The following TRNT1 variants were observed in gnomAD, a reference collection of about 807,000 sequenced individuals.
TRNT1 encodes the protein tRNA nucleotidyl transferase 1, also known as CCA tRNA nucleotidyltransferase 1, mitochondrial.
A neutral mutation model predicts 45.6 loss-of-function variants in TRNT1; 44 were observed. The ratio of observed to expected loss-of-function variants is 0.97; its 90% CI spans 0.76 to 1.24. TRNT1 has a LOEUF of 1.24. Among genes scored for constraint, TRNT1 ranks in the 50% most tolerant of loss-of-function variants. The probability of loss-of-function intolerance (pLI) is 0.00; values close to 1 mark genes in which losing one functional copy is unlikely to be tolerated. For missense variants in TRNT1, 633 were observed against 504.4 expected, an observed-to-expected ratio of 1.25 and a Z score of -2.44; for synonymous variants, 201 against 171.4, an observed-to-expected ratio of 1.17 and a Z score of -1.35.
rs1029185142 is a variant in TRNT1 at position 3,147,783 on chromosome 3, A to C, written c.1056+80A>C. ...TTAATTTATTAAAACTAAGATCTAC[A>C]AATCTGTGAATTTTACTTATTTTAA... On this transcript the variant is annotated intron_variant, in intron 7 of 7. Coordinates refer to ENST00000251607, the MANE Select transcript of TRNT1 (RefSeq NM_182916.3). 3 of 1,523,604 alleles carry C rather than the reference A, an allele frequency of 2.0e-6. No homozygotes were observed. In the African/African-American group the frequency reaches 4.2e-5, roughly 21 times the overall value. The allele number at this position is 1,523,604 out of a possible 1,614,324, so 94.4% of individuals were successfully genotyped here.
At chr3:3,151,422 A>G (rs75252183), downstream of TRNT1, among the ~76,000 whole-genome samples, 1,815 of 152,284 alleles carry the variant, frequency 0.012, 16 homozygotes, top group African/African-American at 0.02. Flanking sequence ...GAAAACAGCA[A>G]TTACCTGCAG....
At chr3:3,127,160 T>C (rs1308132352) in intron 1 of TRNT1, 170 bp downstream of exon 1, 1 of 151,980 alleles carries the variant, frequency 6.6e-6, no homozygotes, top group Non-Finnish European at 1.5e-5. Context: ...GACGCGGAGG[T>C]CGTGTCCCCG....
rs755536381 is a variant in TRNT1, at chr3:3,147,665, TC to T, written c.1019del (p.Ser340Ter). ...RKDLIKATDS[S>X]DPLKPYQDFI... ...AGATTTAATTAAAGCAACAGATAGT[TC>T]AGACCCATTGAAACCCTATCAAGAC... On this transcript the variant is annotated frameshift_variant, in exon 7 of 8. Transcript: ENST00000251607. LOFTEE classifies it high-confidence loss of function. The T allele has an allele frequency of 8.8e-5, 142 of 1,613,416 alleles. No individual in the cohort carries two copies. The highest frequency in any genetic ancestry group is 1.2e-4 in the Non-Finnish European group (139 of 1,179,666).
chr3:3,137,600 C>A (rs922173466), intron 3 of TRNT1, 147 bp downstream of exon 3: 9 of 573,884 alleles, frequency 1.6e-5, no homozygotes, highest in African/African-American at 1.5e-4. Context: ...GTCCTCTGTT[C>A]TTGCAGCCAT....
intron 1 of TRNT1, chr3:3,127,676 A>G (rs1704674271): frequency 6.6e-6 from 1 of 152,286 alleles, no homozygotes; most frequent in Non-Finnish European, 1.5e-5. Flanking sequence ...CCTCGAGTGC[A>G]GGTGGGGAAG....
At chr3:3,136,639 A>G (rs1482903144) in intron 2 of TRNT1, 3 of 430,084 alleles carry the variant, frequency 7.0e-6, no homozygotes, top group Admixed American at 2.7e-5. Context: ...GAATTGTTTG[A>G]TTTACTTTCT....
At chr3:3,129,261 C>G in intron 2 of TRNT1, 73 bp downstream of exon 2, 1 of 1,296,670 alleles carries the variant, frequency 7.7e-7, no homozygotes, top group Non-Finnish European at 1.1e-6. Context: ...ACTTTTTAAG[C>G]CAGCATTCGG....
At chr3:3,139,621 C>A (rs1293234520) in intron 3 of TRNT1, among the ~76,000 whole-genome samples, 4 of 152,018 alleles carry the variant, frequency 2.6e-5, no homozygotes, top group Non-Finnish European at 5.9e-5. Context: ...ACAAACCCTG[C>A]TGCTTTTTCA....
intron 4 of TRNT1, among the ~76,000 whole-genome samples, chr3:3,141,973 T>G (rs753963779): frequency 6.6e-6 from 1 of 152,170 alleles, no homozygotes; most frequent in African/African-American, 2.4e-5. Flanking sequence ...AGAGGAAACT[T>G]GAGACTGAGA....
At chr3:3,143,421 T>C (rs1705783879) in intron 4 of TRNT1, among the ~76,000 whole-genome samples, 1 of 152,218 alleles carries the variant, frequency 6.6e-6, no homozygotes, top group South Asian at 2.1e-4. Flanking sequence ...TTTTTGTGAA[T>C]GGCTAATAGA....
Position 3,144,708 on chromosome 3 carries a change from C to T in TRNT1, c.606C>T (p.Phe202=). Residue 202 remains phenylalanine, a splice_region_variant and synonymous_variant, in exon 5 of 8, where the codon TTC becomes TTT. Transcript: ENST00000251607. ...QEDYLRILRY[F]RFYGRIVDKP... The stretch of plus-strand genomic sequence containing the variant: ...ATTATCTTAGAATTTTAAGATACTT[C>T]AGGTAAGAATTTTTAAAAATAAAAA... 6.5e-7 allele frequency: 1 copy of T among 1,529,224 alleles called. No homozygotes were observed. The highest frequency in any genetic ancestry group is 2.3e-5 in the East Asian group (1 of 43,662). 94.7% of individuals were successfully genotyped at this position (1,529,224 alleles called of 1,614,324 possible).
Position 3,129,021 on chromosome 3 carries a change from G to C in TRNT1, c.-20G>C, listed in dbSNP as rs778000505. The C allele has an allele frequency of 6.3e-7, 1 of 1,583,090 alleles. No homozygotes were observed. Among genetic ancestry groups the C allele is most frequent in the Non-Finnish European group, 8.6e-7 (1 of 1,161,552 alleles). ...TGTGTATTTGCCTTGTAGATGTGTA[G>C]TTGGTGACTGCCTCTCCAGATGCTG... is the stretch of plus-strand genomic sequence containing the variant. On this transcript the variant is annotated 5_prime_UTR_variant, in exon 2 of 8. Transcript: ENST00000251607.
rs373038908 is a variant in TRNT1, at chr3:3,146,580, T to C, written c.759T>C (p.His253=). The change falls in exon 6 of 8, where the codon CAT becomes CAC. Residue 253 remains histidine (H), a synonymous_variant. Transcript: ENST00000251607. The part of the protein sequence containing the change: ...KKILVGNHVN[H]LIHLIYDLDV... ...TTCTTGTTGGTAACCATGTAAATCATTTGATTCACCTTATCTATGATCTTG... is the reference window on the plus strand; with the variant it reads ...TTCTTGTTGGTAACCATGTAAATCACTTGATTCACCTTATCTATGATCTTG... The C allele has an allele frequency of 4.1e-5, 66 of 1,613,786 alleles. No individual in the cohort carries two copies. The highest frequency in any genetic ancestry group is 1.0e-4 in the Admixed American group (6 of 59,990).
chr3:3,140,724 A>T, intron 4 of TRNT1, 76 bp downstream of exon 4: 1 of 1,519,476 alleles, frequency 6.6e-7, no homozygotes. Flanking sequence ...CATTCTGGAA[A>T]TGTTCTTCAA....
intron 3 of TRNT1, among the ~76,000 whole-genome samples, chr3:3,139,101 C>G (rs1343742230): frequency 6.6e-6 from 1 of 152,198 alleles, no homozygotes; most frequent in East Asian, 1.9e-4. Context: ...ATCTTGTTTT[C>G]ATTATGATGC....
chr3:3,143,306 GT>G (rs1382724760), intron 4 of TRNT1, among the ~76,000 whole-genome samples: 8 of 152,164 alleles, frequency 5.3e-5, no homozygotes, highest in Non-Finnish European at 1.0e-4. Context: ...CCAGTATGAA[GT>G]GGTCACTCTA....
At chr3:3,138,636 A>G (rs1283783735) in intron 3 of TRNT1, among the ~76,000 whole-genome samples, 2 of 151,894 alleles carry the variant, frequency 1.3e-5, no homozygotes, top group Non-Finnish European at 2.9e-5. Flanking sequence ...TCTTTATTTT[A>G]TATTCTCCTG....
downstream of TRNT1, chr3:3,151,084 T>C: frequency 1.2e-6 from 2 of 1,603,202 alleles, no homozygotes; most frequent in Non-Finnish European, 1.7e-6. Flanking sequence ...AGGAAACATT[T>C]CTGTACTCCA....
Position 3,148,221 on chromosome 3 carries a change from A to C in TRNT1, c.*67A>C. On this transcript the variant is annotated 3_prime_UTR_variant, in exon 8 of 8. Coordinates refer to ENST00000251607, the MANE Select transcript of TRNT1 (RefSeq NM_182916.3). ...AAATTTTCTCCCCTCCCTCTTAATG[A>C]GGTTTTAGAGACTACACCAGAATAA... 1 of 1,542,458 alleles carries C rather than the reference A, an allele frequency of 6.5e-7. No individual in the cohort carries two copies. The highest frequency in any genetic ancestry group is 1.4e-5 in the African/African-American group (1 of 72,538).
Sources: gnomAD v4.1 joint callset for allele counts (sites outside exome capture counted in the v4.1 genomes callset) on GRCh38, gnomAD v4.1.1 for gene constraint, MANE v1.5 for transcripts, NCBI Gene and HGNC (gene_info 2026-07-23, HGNC 2026-07-21) for gene names.